ABCA1: variants seen among roughly 807,000 people sequenced by gnomAD.
The protein encoded by ABCA1 is ATP binding cassette subfamily A member 1, also known as phospholipid-transporting ATPase ABCA1.
Under a neutral mutation model 262.5 loss-of-function variants are expected in ABCA1, and 133 were observed. The ratio of observed to expected loss-of-function variants is 0.51; its 90% CI spans 0.44 to 0.59. The LOEUF is 0.59. Ranked by LOEUF, ABCA1 falls within the 20% of genes least tolerant of loss-of-function variation. The pLI, the probability that ABCA1 is intolerant of heterozygous loss-of-function variation, is 0.00. For synonymous variants in ABCA1, 1,022 were observed against 1,043.5 expected, an observed-to-expected ratio of 0.98 and a Z score of 0.40; for missense variants, 2,452 against 2,777.5, an observed-to-expected ratio of 0.88 and a Z score of 2.63.
At chr9:104,886,327 GTCTT>G (rs1429942880) in intron 3 of ABCA1, among the ~76,000 whole-genome samples, 2 of 152,100 alleles carry the variant, frequency 1.3e-5, no homozygotes, top group Non-Finnish European at 2.9e-5. Context: ...TCAATATAGG[GTCTT>G]TCTTTCTTTT....
At chr9:104,839,745 G>A (rs906718597) in intron 9 of ABCA1, among the ~76,000 whole-genome samples, 1 of 152,194 alleles carries the variant, frequency 6.6e-6, no homozygotes, top group African/African-American at 2.4e-5. Flanking sequence ...CAATCAAGCT[G>A]TTAATAAATC....
chr9:104,909,220 C>G (rs983616467), intron 1 of ABCA1, among the ~76,000 whole-genome samples: 18 of 152,158 alleles, frequency 1.2e-4, no homozygotes, highest in Non-Finnish European at 2.2e-4. Flanking sequence ...AAATATTTAT[C>G]GAGTGCCTAT....
In ABCA1 at chr9:104,857,087, T is replaced by C. The variant is rs555530913; in HGVS notation, c.720+1435A>G. ...TGGGAGGCCGAGGTGGGCAGATCAC[T>C]TGAGCTCAGGAGTTCGAGACCAGCT... is the stretch of plus-strand genomic sequence containing the variant. On this transcript the variant is annotated intron_variant, in intron 7 of 49. Coordinates refer to ENST00000374736, the MANE Select transcript of ABCA1 (RefSeq NM_005502.4). Among the ~76,000 whole-genome samples the C allele has an allele frequency of 7.2e-5, 11 of 152,210 alleles. No homozygotes were observed. In the South Asian group the frequency reaches 2.3e-3, roughly 32 times the overall value.
chr9:104,800,408 T>C, intron 35 of ABCA1, 102 bp downstream of exon 35: 2 of 1,103,426 alleles, frequency 1.8e-6, no homozygotes, highest in Non-Finnish European at 2.8e-6. Context: ...CTCTTTTCTG[T>C]TGTGAATGCC....
chr9:104,868,640 T>C (rs887908915), intron 5 of ABCA1, among the ~76,000 whole-genome samples: 1 of 152,210 alleles, frequency 6.6e-6, no homozygotes, highest in Admixed American at 6.5e-5. Context: ...CTCCTTGGTT[T>C]TGCCTGGAGG....
At chr9:104,789,626 TAGC>T (rs1428755959) in intron 44 of ABCA1, among the ~76,000 whole-genome samples, 1 of 152,308 alleles carries the variant, frequency 6.6e-6, no homozygotes, top group East Asian at 1.9e-4. Flanking sequence ...GAATAAGAAA[TAGC>T]AGAGTGCACT....
chr9:104,876,879 C>A lies in ABCA1; in HGVS notation c.421+6160G>T, dbSNP rs778738191. ...TGCTTCTTGCCCCACCATGCCCTGGCAGGAGCAGATGCAGGTGGGGGCCTG... is the reference window on the plus strand; with the variant it reads ...TGCTTCTTGCCCCACCATGCCCTGGAAGGAGCAGATGCAGGTGGGGGCCTG... On this transcript the variant is annotated intron_variant, in intron 5 of 49. Coordinates refer to ENST00000374736, the MANE Select transcript of ABCA1 (RefSeq NM_005502.4). 4.1e-4 allele frequency among the ~76,000 whole-genome samples: 63 copies of A among 152,160 alleles called. 2 individuals are homozygous for A. Among genetic ancestry groups the A allele is most frequent in the Non-Finnish European group, 6.5e-4 (44 of 68,032 alleles).
intron 1 of ABCA1, among the ~76,000 whole-genome samples, chr9:104,906,858 T>C (rs1008300266): frequency 2.0e-5 from 3 of 152,020 alleles, no homozygotes; most frequent in Non-Finnish European, 4.4e-5. Context: ...TTCCAGTTAC[T>C]GGCTGGAAAG....
chr9:104,883,297 C>A, intron 4 of ABCA1, 140 bp from the exon 5 acceptor site: 1 of 742,278 alleles, frequency 1.3e-6, no homozygotes, highest in Admixed American at 1.9e-5. Flanking sequence ...ACTCCCATGG[C>A]TCCCCACACC....
chr9:104,887,514 C>T (rs1257124669), intron 3 of ABCA1, among the ~76,000 whole-genome samples: 1 of 152,042 alleles, frequency 6.6e-6, no homozygotes, highest in Non-Finnish European at 1.5e-5. Context: ...ATCTTGCCTG[C>T]TTGTAATCAT....
rs1829549186 is a variant in ABCA1 at position 104,792,904 on chromosome 9, G to T, written c.5639C>A (p.Pro1880His). The T allele has an allele frequency of 6.2e-7, 1 of 1,613,874 alleles. No homozygotes were observed. Among genetic ancestry groups the T allele is most frequent in the Admixed American group, 1.7e-5 (1 of 59,988 alleles). Reference sequence around the variant, plus strand: ...CAGAGGAGATAGCTTTGCATTTACAGGTCTTGGGGGAAAAAACAAGAAAAA... The same window carrying T: ...CAGAGGAGATAGCTTTGCATTTACATGTCTTGGGGGAAAAAACAAGAAAAA... ...IQYRFFIRPR[P>H]VNAKLSPLND... The change falls in exon 42 of 50, where the codon CCT (proline) becomes CAT (histidine). Residue 1880 changes from proline to histidine, a missense_variant and splice_region_variant. By Grantham distance (77) the Pro-to-His change is moderately conservative. Transcript: ENST00000374736.
intron 30 of ABCA1, among the ~76,000 whole-genome samples, chr9:104,806,773 G>A (rs1161182700): frequency 1.3e-5 from 2 of 152,176 alleles, no homozygotes; most frequent in Non-Finnish European, 2.9e-5. Context: ...ATGCTGTCCA[G>A]TATATTCGAG....
At chr9:104,895,628 T>C (rs551256529) in intron 2 of ABCA1, among the ~76,000 whole-genome samples, 2 of 152,324 alleles carry the variant, frequency 1.3e-5, no homozygotes, top group African/African-American at 4.8e-5. Flanking sequence ...CTTATCATCA[T>C]GTTATTCAAT....
At chr9:104,785,270 G>A (rs1828822768) in intron 49 of ABCA1, 126 bp downstream of exon 49, 7 of 1,280,066 alleles carry the variant, frequency 5.5e-6, no homozygotes, top group Non-Finnish European at 7.7e-6. Context: ...AGCATAGCTA[G>A]GAATAGTAGA....
At position 104,787,771 on chromosome 9, in the gene ABCA1, A is replaced by G; in HGVS notation, c.6204+149T>C. 3 of 1,541,768 alleles carry G rather than the reference A, an allele frequency of 1.9e-6. No homozygotes were observed. The East Asian group carries it at 6.8e-5, about 35-fold the overall frequency. On this transcript the variant is annotated intron_variant, in intron 46 of 49. Coordinates refer to ENST00000374736, the MANE Select transcript of ABCA1 (RefSeq NM_005502.4). ...GCCACCCCAGTGTGTGCCAAGGGAGAAGCTTCCCTCTGCTTTTCCAAGGTT... is the reference window on the plus strand; with the variant it reads ...GCCACCCCAGTGTGTGCCAAGGGAGGAGCTTCCCTCTGCTTTTCCAAGGTT...
At chr9:104,862,689 CGGGCCGGGCCGG>C (rs1564199552) in intron 5 of ABCA1, among the ~76,000 whole-genome samples, 2 of 3,308 alleles carry the variant, frequency 6.0e-4, no homozygotes, top group South Asian at 0.022. Flanking sequence ...CGGGCCGGGC[CGGGCCGGGCCGG>C]CCCCCACCCC....
chr9:104,832,537 T>C, intron 12 of ABCA1, 37 bp downstream of exon 12: 1 of 1,609,784 alleles, frequency 6.2e-7, no homozygotes, highest in Admixed American at 1.7e-5. Flanking sequence ...AAAGAAGCCG[T>C]TAAGTCTTTT....
rs1023182868 is a variant in ABCA1, at chr9:104,809,551, C to T, written c.4189G>A (p.Glu1397Lys). The T allele has an allele frequency of 1.9e-6, 3 of 1,614,134 alleles. No individual in the cohort carries two copies. In the Admixed American group the frequency reaches 5.0e-5, roughly 27 times the overall value. The change falls in exon 30 of 50, where the codon GAG (glutamate) becomes AAG (lysine). Residue 1397 changes from glutamate to lysine, a missense_variant. Glu to Lys is a moderately conservative substitution (Grantham distance 56). This residue lies in a region of ABCA1 where 665 missense variants were observed against 727.3 expected (regional missense o/e 0.91). Coordinates refer to ENST00000374736, the MANE Select transcript of ABCA1 (RefSeq NM_005502.4). ...AAGAGTTCCAGGGTTCCCGTGTCCT[C>T]AGGAGCATCATTGCTGTGGGTACAT... The part of the protein sequence containing the change: ...QYTFVSNDAP[E>K]DTGTLELLNA...
At chr9:104,791,073 G>T (rs1258874729) in intron 43 of ABCA1, 45 bp from the exon 44 acceptor site, 4 of 1,341,772 alleles carry the variant, frequency 3.0e-6, no homozygotes, top group Admixed American at 1.7e-5. Context: ...CTAAAAACAT[G>T]AATATAAATG....
Sources: allele counts gnomAD v4.1 joint callset (sites outside exome capture counted in the v4.1 genomes callset), GRCh38; gene constraint gnomAD v4.1.1; regional missense constraint gnomAD v4.1.1; transcripts MANE v1.5; gene names NCBI Gene and HGNC (gene_info 2026-07-23, HGNC 2026-07-21).